GOLPH3L: variants seen among roughly 807,000 people sequenced by gnomAD.
GOLPH3L encodes Golgi phosphoprotein 3-like.
Under a neutral mutation model 30.3 loss-of-function variants are expected in GOLPH3L, and 22 were observed. That is an observed-to-expected ratio of 0.73 (90% confidence interval 0.52 to 1.04). The LOEUF (loss-of-function observed/expected upper bound fraction) is 1.04. Among genes scored for constraint, GOLPH3L ranks in the 50% least tolerant of loss-of-function variants. The pLI, the probability that GOLPH3L is intolerant of heterozygous loss-of-function variation, is 0.00. For synonymous variants in GOLPH3L, 120 were observed against 128.2 expected, an observed-to-expected ratio of 0.94 and a Z score of 0.43; for missense variants, 303 against 345.8, an observed-to-expected ratio of 0.88 and a Z score of 0.98.
rs200182595 is a variant in GOLPH3L, at chr1:150,653,299, T to A, written c.431-4551A>T. 3.8e-3 allele frequency among the ~76,000 whole-genome samples: 524 copies of A among 137,346 alleles called. 1 individual carries two copies. Among genetic ancestry groups the A allele is most frequent in the South Asian group, 5.8e-3 (25 of 4,278 alleles). 90.1% of individuals were successfully genotyped at this position (137,346 alleles called of 152,430 possible). A position where few individuals can be genotyped will look rare whatever the true frequency, so the allele number is the denominator to read the frequency against. ...CTTGGTATAAATCTTTTTTTTTTTA[T>A]TTTTTTTTTTTTTTGAGACGGAGTC... On this transcript the variant is annotated intron_variant, in intron 4 of 4. Coordinates refer to ENST00000271732, the MANE Select transcript of GOLPH3L (RefSeq NM_018178.6).
intron 4 of GOLPH3L, among the ~76,000 whole-genome samples, chr1:150,651,041 G>A (rs1213636733): frequency 2.0e-5 from 3 of 152,244 alleles, no homozygotes; most frequent in Non-Finnish European, 2.9e-5. Flanking sequence ...TTTAGACCAG[G>A]TGCGGTGGCT....
chr1:150,670,520 C>A (rs374888258), intron 2 of GOLPH3L, among the ~76,000 whole-genome samples: 3 of 151,966 alleles, frequency 2.0e-5, no homozygotes, highest in Admixed American at 2.0e-4. Flanking sequence ...TGGCATGAAC[C>A]CAGGAGGCGG....
intron 2 of GOLPH3L, among the ~76,000 whole-genome samples, chr1:150,676,296 T>TAG (rs2101804849): frequency 6.6e-6 from 1 of 152,042 alleles, no homozygotes; most frequent in Non-Finnish European, 1.5e-5. Context: ...ATACACAAAG[T>TAG]AGAGAGATTA....
At chr1:150,682,026 G>A (rs1056267232) in intron 2 of GOLPH3L, among the ~76,000 whole-genome samples, 34 of 151,398 alleles carry the variant, frequency 2.2e-4, no homozygotes, top group Admixed American at 4.0e-4. Context: ...CAGGTACCAC[G>A]GCACTCCAGC....
intron 2 of GOLPH3L, among the ~76,000 whole-genome samples, chr1:150,673,531 A>G (rs771882749): frequency 6.6e-6 from 1 of 151,802 alleles, no homozygotes; most frequent in Non-Finnish European, 1.5e-5. Flanking sequence ...GCACCACTGC[A>G]CTCCAGCCCG....
At chr1:150,683,515 G>A (rs1405393653) in intron 2 of GOLPH3L, among the ~76,000 whole-genome samples, 11 of 113,160 alleles carry the variant, frequency 9.7e-5, no homozygotes, top group African/African-American at 3.4e-4. Context: ...CAGCCTGGGC[G>A]ACAGAGACTC....
intron 4 of GOLPH3L, among the ~76,000 whole-genome samples, chr1:150,661,029 A>G (rs998120194): frequency 2.0e-5 from 3 of 152,196 alleles, no homozygotes; most frequent in Admixed American, 2.0e-4. Context: ...AGAGTTCGAG[A>G]CAAGCCTGGC....
At chr1:150,692,899 T>C (rs147876082) in intron 2 of GOLPH3L, among the ~76,000 whole-genome samples, 47 of 152,204 alleles carry the variant, frequency 3.1e-4, no homozygotes, top group African/African-American at 1.1e-3. Flanking sequence ...ACAAACCAAA[T>C]AGCTTTTAGT....
chr1:150,671,008 G>A (rs1650631411), intron 2 of GOLPH3L, among the ~76,000 whole-genome samples: 1 of 152,156 alleles, frequency 6.6e-6, no homozygotes, highest in Admixed American at 6.5e-5. Flanking sequence ...GGGAGGCCAT[G>A]GTGGGTGGAT....
intron 2 of GOLPH3L, among the ~76,000 whole-genome samples, chr1:150,679,944 T>A (rs2065901): frequency 0.39 from 58,486 of 151,800 alleles, 11,585 homozygotes; most frequent in South Asian, 0.55. Flanking sequence ...GTCTCTATTT[T>A]AAAAAAAGAA....
chr1:150,679,942 TTTAAAAAAAGAATAATAA>T (rs1490198129), intron 2 of GOLPH3L, among the ~76,000 whole-genome samples: 2 of 151,988 alleles, frequency 1.3e-5, no homozygotes, highest in Admixed American at 6.6e-5. Context: ...CTGTCTCTAT[TTTAAAAAAAGAATAATAA>T]TAAAAAAAAG....
intron 2 of GOLPH3L, among the ~76,000 whole-genome samples, chr1:150,667,029 C>T (rs1042047073): frequency 2.0e-5 from 3 of 152,086 alleles, no homozygotes; most frequent in African/African-American, 7.2e-5. Flanking sequence ...CTGCCGAGAG[C>T]CAAGTACAGA....
intron 3 of GOLPH3L, among the ~76,000 whole-genome samples, chr1:150,663,013 C>T (rs1175345470): frequency 1.3e-5 from 2 of 151,352 alleles, no homozygotes; most frequent in East Asian, 3.9e-4. Context: ...ATGAGTCCCT[C>T]TCCCTACATC....
At chr1:150,680,694 G>A (rs1650928939) in intron 2 of GOLPH3L, among the ~76,000 whole-genome samples, 1 of 152,176 alleles carries the variant, frequency 6.6e-6, no homozygotes, top group Non-Finnish European at 1.5e-5. Context: ...AAGCATGTAA[G>A]TGGCTATTTA....
intron 2 of GOLPH3L, among the ~76,000 whole-genome samples, chr1:150,668,557 A>G (rs1247799093): frequency 6.6e-6 from 1 of 151,868 alleles, no homozygotes. Context: ...TAATATTTGT[A>G]TTTTTAGTAG....
intron 2 of GOLPH3L, among the ~76,000 whole-genome samples, chr1:150,685,935 C>T (rs1441470823): frequency 5.1e-5 from 7 of 136,816 alleles, no homozygotes; most frequent in African/African-American, 1.1e-4. Flanking sequence ...AGTGCAGTGG[C>T]GCAACCTTGG....
intron 4 of GOLPH3L, among the ~76,000 whole-genome samples, chr1:150,651,274 C>T (rs1468241120): frequency 6.6e-6 from 1 of 151,948 alleles, no homozygotes; most frequent in Non-Finnish European, 1.5e-5. Context: ...GATAGTGCCA[C>T]TGCACTCCAG....
At chr1:150,648,987 G>A (rs750531544) in intron 4 of GOLPH3L, among the ~76,000 whole-genome samples, 1 of 152,004 alleles carries the variant, frequency 6.6e-6, no homozygotes, top group Non-Finnish European at 1.5e-5. Flanking sequence ...CTTTATTTCT[G>A]TTCTTATGTG....
chr1:150,662,433 T>C (rs955701358), intron 3 of GOLPH3L, among the ~76,000 whole-genome samples: 2 of 151,936 alleles, frequency 1.3e-5, no homozygotes, highest in Non-Finnish European at 2.9e-5. Flanking sequence ...TGGGGAAAGG[T>C]TGATAATTTG....
Sources: gnomAD v4.1 joint callset for allele counts (sites outside exome capture counted in the v4.1 genomes callset) on GRCh38, gnomAD v4.1.1 for gene constraint, MANE v1.5 for transcripts, NCBI Gene and HGNC (gene_info 2026-07-23, HGNC 2026-07-21) for gene names.